The following LARGE1 variants were observed in gnomAD, a reference collection of about 807,000 sequenced individuals.
LARGE1 encodes xylosyl- and glucuronyltransferase LARGE1.
LARGE1 carries 43 observed loss-of-function variants against 87.6 expected under a neutral mutation model. The ratio of observed to expected loss-of-function variants is 0.49; its 90% CI spans 0.38 to 0.63. The LOEUF is 0.63. Ranked by LOEUF, LARGE1 falls within the 30% of genes least tolerant of loss-of-function variation. The probability of loss-of-function intolerance (pLI) is 0.00; values close to 1 mark genes in which losing one functional copy is unlikely to be tolerated. For missense variants in LARGE1, 802 were observed against 1,000.2 expected, an observed-to-expected ratio of 0.80 and a Z score of 2.67; for synonymous variants, 434 against 394.6, an observed-to-expected ratio of 1.10 and a Z score of -1.18.
intron 12 of LARGE1, among the ~76,000 whole-genome samples, chr22:33,283,852 A>G (rs1930979209): frequency 6.6e-6 from 1 of 151,942 alleles, no homozygotes; most frequent in Non-Finnish European, 1.5e-5. Flanking sequence ...AAAAGAAAGA[A>G]AAAGTAAAGA....
chr22:33,576,126 T>C (rs969734860), intron 5 of LARGE1, among the ~76,000 whole-genome samples: 1 of 152,200 alleles, frequency 6.6e-6, no homozygotes, highest in African/African-American at 2.4e-5. Flanking sequence ...TTTTAGAAGC[T>C]GCAATTCTTA....
At chr22:33,751,479 C>T (rs972164432) in intron 2 of LARGE1, among the ~76,000 whole-genome samples, 58 of 133,520 alleles carry the variant, frequency 4.3e-4, no homozygotes, top group African/African-American at 1.8e-3. Context: ...ATTGAGACTC[C>T]ATCTCAAAAA....
intron 11 of LARGE1, among the ~76,000 whole-genome samples, chr22:33,170,524 G>T (rs575452231): frequency 4.6e-5 from 7 of 152,252 alleles, no homozygotes; most frequent in African/African-American, 1.7e-4. Flanking sequence ...CATTGGAGTG[G>T]TTTCCCCGAT....
chr22:33,750,487 T>C (rs1228254711), intron 2 of LARGE1: 1 of 152,148 alleles, frequency 6.6e-6, no homozygotes, highest in Non-Finnish European at 1.5e-5. Context: ...ATGCGATAAA[T>C]AGAAACGATT....
the LARGE1 span, among the ~76,000 whole-genome samples, chr22:33,138,825 C>T: frequency 6.6e-6 from 1 of 151,960 alleles, no homozygotes; most frequent in African/African-American, 2.4e-5. Context: ...GGTTTTGAAA[C>T]GTGAGGACAT....
intron 1 of LARGE1, among the ~76,000 whole-genome samples, chr22:33,798,099 CCCGTCTCTACTGAAATAG>C (rs2086042243): frequency 6.6e-6 from 1 of 152,080 alleles, no homozygotes; most frequent in Non-Finnish European, 1.5e-5. Context: ...ATGGCGAAAA[CCCGTCTCTACTGAAATAG>C]CCGTCTCTAC....
At position 33,892,033 on chromosome 22, in the gene LARGE1, C is replaced by T. The variant is rs578247156; in HGVS notation, c.-83+27962G>A. Among the ~76,000 whole-genome samples, 27 of 152,290 alleles carry T rather than the reference C, an allele frequency of 1.8e-4. 1 individual carries two copies. In the South Asian group the frequency reaches 3.3e-3, roughly 19 times the overall value. On this transcript the variant is annotated intron_variant, in intron 1 of 14. Transcript: ENST00000397394. ...AAGACGTTTCGTACCTTCTCTACCA[C>T]GTACGAGAGTTCACAATCTTGTCCT... is the stretch of plus-strand genomic sequence containing the variant.
intron 2 of LARGE1, among the ~76,000 whole-genome samples, chr22:33,716,776 T>C (rs1174526110): frequency 6.6e-6 from 1 of 152,176 alleles, no homozygotes; most frequent in Non-Finnish European, 1.5e-5. Flanking sequence ...AGTGTGTTAG[T>C]AAATGTTTAA....
chr22:33,393,992 G>A (rs2065626536), intron 7 of LARGE1, among the ~76,000 whole-genome samples: 1 of 151,874 alleles, frequency 6.6e-6, no homozygotes, highest in African/African-American at 2.4e-5. Flanking sequence ...CAAGATGGCA[G>A]GGAAAGAAAA....
At chr22:33,637,899 G>C (rs2080315282) in intron 3 of LARGE1, among the ~76,000 whole-genome samples, 1 of 152,154 alleles carries the variant, frequency 6.6e-6, no homozygotes, top group African/African-American at 2.4e-5. Flanking sequence ...AGGGTACCTG[G>C]CTATGTAGCA....
Position 33,660,967 on chromosome 22 carries a change from G to A in LARGE1, c.107-10299C>T, listed in dbSNP as rs145318171. Among the ~76,000 whole-genome samples, 235 of 151,834 alleles carry A rather than the reference G, an allele frequency of 1.5e-3. 1 individual carries two copies. Among genetic ancestry groups the A allele is most frequent in the African/African-American group, 5.4e-3 (224 of 41,430 alleles). On this transcript the variant is annotated intron_variant, in intron 2 of 14. Transcript: ENST00000397394. ...GTTCCAAGAGTGAGGCGAATCACAC[G>A]TGCTAAGAATCATATTTTACAGTAA...
At chr22:33,726,820 G>A (rs2083285043) in intron 2 of LARGE1, among the ~76,000 whole-genome samples, 1 of 152,172 alleles carries the variant, frequency 6.6e-6, no homozygotes, top group Admixed American at 6.5e-5. Flanking sequence ...GAATTGGGGT[G>A]CAGGGACAGA....
chr22:33,866,389 T>TA (rs1304239034), intron 1 of LARGE1, among the ~76,000 whole-genome samples: 1 of 152,226 alleles, frequency 6.6e-6, no homozygotes, highest in Non-Finnish European at 1.5e-5. Context: ...TCAGTTGCAC[T>TA]AGCTACCTTT....
At position 33,280,998 on chromosome 22, in the gene LARGE1, G is replaced by GGGTGTGGATGTTTTCTCATTCCA. The variant is rs1224152355; in HGVS notation, c.1877+2181_1877+2203dup. Among the ~76,000 whole-genome samples the GGGTGTGGATGTTTTCTCATTCCA allele has an allele frequency of 2.6e-5, 4 of 152,330 alleles. No homozygotes were observed. The East Asian group carries it at 7.7e-4, about 29-fold the overall frequency. ...AGCCACCGCCCTAGAGGACTTGTAG[G>GGGTGTGGATGTTTTCTCATTCCA]GGTGTGGATGTTTTCTCATTCCAGG... On this transcript the variant is annotated intron_variant, in intron 13 of 14. Coordinates refer to ENST00000397394, the MANE Select transcript of LARGE1 (RefSeq NM_133642.5).
At chr22:33,198,088 C>T (rs1241109861) in intron 11 of LARGE1, among the ~76,000 whole-genome samples, 3 of 152,078 alleles carry the variant, frequency 2.0e-5, no homozygotes, top group South Asian at 4.1e-4. Context: ...TAGTTTGAAG[C>T]GGATCATAAA....
chr22:33,907,073 T>C (rs143168024), intron 1 of LARGE1, among the ~76,000 whole-genome samples: 68 of 152,220 alleles, frequency 4.5e-4, no homozygotes, highest in East Asian at 2.5e-3. Context: ...AGACCACTAC[T>C]GGAGAAGCAG....
intron 11 of LARGE1, among the ~76,000 whole-genome samples, chr22:33,190,487 T>A (rs867477167): frequency 3.3e-4 from 50 of 152,284 alleles, no homozygotes; most frequent in African/African-American, 1.1e-3. Context: ...ATGGATGCCA[T>A]TCCTCATAAT....
intron 6 of LARGE1, among the ~76,000 whole-genome samples, chr22:33,493,405 C>T (rs965769312): frequency 3.3e-5 from 5 of 152,154 alleles, no homozygotes; most frequent in African/African-American, 4.8e-5. Flanking sequence ...AGGTGATCCT[C>T]CCACCTCGGC....
chr22:33,814,724 ATGTGTGTG>A (rs5845113), intron 1 of LARGE1, among the ~76,000 whole-genome samples: 10 of 150,694 alleles, frequency 6.6e-5, no homozygotes, highest in South Asian at 2.1e-4. Flanking sequence ...ATCAAGGTAT[ATGTGTGTG>A]TGTGTGTGTG....
Sources: allele counts gnomAD v4.1 joint callset (sites outside exome capture counted in the v4.1 genomes callset), GRCh38; gene constraint gnomAD v4.1.1; transcripts MANE v1.5; gene names NCBI Gene and HGNC (gene_info 2026-07-23, HGNC 2026-07-21).